The following KCNN3 variants were observed in gnomAD, a reference collection of about 807,000 sequenced individuals.
KCNN3 encodes potassium calcium-activated channel subfamily N member 3.
In KCNN3, 16 loss-of-function variants were observed where a neutral mutation model predicts 62.9. The ratio of observed to expected loss-of-function variants is 0.25; its 90% CI spans 0.17 to 0.39. The LOEUF is 0.39. Ranked by LOEUF, KCNN3 falls within the 10% of genes least tolerant of loss-of-function variation. The pLI is 1.00. For missense variants in KCNN3, 599 were observed against 949.4 expected, an observed-to-expected ratio of 0.63 and a Z score of 4.85; for synonymous variants, 370 against 389.2, an observed-to-expected ratio of 0.95 and a Z score of 0.58.
At chr1:154,824,065 C>G (rs974779596) in intron 1 of KCNN3, among the ~76,000 whole-genome samples, 6 of 152,342 alleles carry the variant, frequency 3.9e-5, no homozygotes, top group South Asian at 2.1e-4. Flanking sequence ...ATTTCAACCA[C>G]TTCTCATTTG....
chr1:154,730,480 G>A (rs1187192142), intron 4 of KCNN3, among the ~76,000 whole-genome samples: 1 of 152,188 alleles, frequency 6.6e-6, no homozygotes, highest in Non-Finnish European at 1.5e-5. Context: ...GCTATACATA[G>A]TGTTGGGAGG....
chr1:154,771,472 C>A (rs78439506), intron 3 of KCNN3, among the ~76,000 whole-genome samples: 3,150 of 152,232 alleles, frequency 0.021, 115 homozygotes, highest in African/African-American at 0.072. Flanking sequence ...AACAAGTTCC[C>A]AGTGATGCCA....
chr1:154,807,057 G>C (rs754662007), intron 2 of KCNN3, among the ~76,000 whole-genome samples: 1 of 152,102 alleles, frequency 6.6e-6, no homozygotes, highest in Non-Finnish European at 1.5e-5. Context: ...GGCAGTATTG[G>C]CTGTAAAACT....
At chr1:154,810,287 A>G (rs571682686) in intron 2 of KCNN3, among the ~76,000 whole-genome samples, 33 of 152,254 alleles carry the variant, frequency 2.2e-4, no homozygotes, top group Non-Finnish European at 4.4e-5. Context: ...CAGGCAGATG[A>G]TGGCTTGGGG....
intron 4 of KCNN3, among the ~76,000 whole-genome samples, chr1:154,731,087 G>A (rs971940869): frequency 3.3e-5 from 5 of 152,160 alleles, no homozygotes; most frequent in African/African-American, 9.7e-5. Flanking sequence ...AGAGGCTCCC[G>A]GCAGGGCCCA....
chr1:154,774,076 A>G (rs1648689980), intron 2 of KCNN3, among the ~76,000 whole-genome samples: 1 of 152,204 alleles, frequency 6.6e-6, no homozygotes, highest in South Asian at 2.1e-4. Flanking sequence ...TGATGATAAT[A>G]ACTGCTGCAT....
At chr1:154,794,093 A>C (rs889104141) in intron 2 of KCNN3, among the ~76,000 whole-genome samples, 3 of 152,198 alleles carry the variant, frequency 2.0e-5, no homozygotes, top group African/African-American at 4.8e-5. Flanking sequence ...CTTGACACAC[A>C]ATCTTTCCGA....
At chr1:154,774,230 A>G (rs2101842165) in intron 2 of KCNN3, among the ~76,000 whole-genome samples, 1 of 152,334 alleles carries the variant, frequency 6.6e-6, no homozygotes, top group South Asian at 2.1e-4. Context: ...GTAAAATGAC[A>G]GTTGGGCTCA....
At chr1:154,800,952 G>A (rs752008500) in intron 2 of KCNN3, among the ~76,000 whole-genome samples, 12 of 152,164 alleles carry the variant, frequency 7.9e-5, no homozygotes, top group Non-Finnish European at 1.5e-4. Flanking sequence ...AGCTGAAGTC[G>A]GAAGATGGCT....
intron 2 of KCNN3, among the ~76,000 whole-genome samples, chr1:154,805,978 T>C (rs183301572): frequency 1.2e-4 from 19 of 152,232 alleles, no homozygotes; most frequent in Admixed American, 7.2e-4. Flanking sequence ...TCCTTAAATA[T>C]GGAAAAGAGA....
chr1:154,737,206 T>TC (rs1700729216), intron 3 of KCNN3: 1 of 176,206 alleles, frequency 5.7e-6, no homozygotes. Context: ...ATAGAAAATT[T>TC]GGGGGGGGGG....
chr1:154,774,018 T>G (rs1463233959), intron 2 of KCNN3, among the ~76,000 whole-genome samples: 2 of 152,214 alleles, frequency 1.3e-5, no homozygotes, highest in African/African-American at 4.8e-5. Context: ...TCCATGATCC[T>G]GGGCAAATTA....
At chr1:154,790,357 T>C (rs1649461567) in intron 2 of KCNN3, among the ~76,000 whole-genome samples, 1 of 152,152 alleles carries the variant, frequency 6.6e-6, no homozygotes, top group African/African-American at 2.4e-5. Flanking sequence ...AAATTGAAAA[T>C]ATTGTAAGTA....
At chr1:154,810,147 C>A (rs74115880) in intron 2 of KCNN3, among the ~76,000 whole-genome samples, 3 of 152,070 alleles carry the variant, frequency 2.0e-5, no homozygotes, top group Admixed American at 6.5e-5. Flanking sequence ...GCTGCTGGCA[C>A]CTTACCATAG....
chr1:154,731,256 T>C lies in KCNN3; in HGVS notation c.1590+1747A>G, dbSNP rs1470774722. Among the ~76,000 whole-genome samples, 4 of 152,216 alleles carry C rather than the reference T, an allele frequency of 2.6e-5. No individual in the cohort carries two copies. The East Asian group carries it at 7.7e-4, about 29-fold the overall frequency. ...TCTTTCCCCGGTTTCCTCGTGACAG[T>C]TGGTGCTATGCCAAGACAGACTCCT... On this transcript the variant is annotated intron_variant, in intron 4 of 7. Transcript: ENST00000271915.
chr1:154,842,630 C>G (rs1199733700), intron 1 of KCNN3, among the ~76,000 whole-genome samples: 1 of 7,164 alleles, frequency 1.4e-4, no homozygotes, highest in Non-Finnish European at 1.3e-3. Flanking sequence ...CATTCAGGGA[C>G]CCCCCCCCCG....
intron 5 of KCNN3, among the ~76,000 whole-genome samples, chr1:154,720,364 G>A (rs1700321033): frequency 1.3e-5 from 2 of 152,214 alleles, no homozygotes; most frequent in South Asian, 4.1e-4. Context: ...CTCTTCTGGG[G>A]AGAATTAGCA....
chr1:154,761,667 G>A (rs1026706479), intron 3 of KCNN3, among the ~76,000 whole-genome samples: 2 of 152,080 alleles, frequency 1.3e-5, no homozygotes, highest in African/African-American at 2.4e-5. Context: ...GGCCGGGCGC[G>A]GTGGCTCACG....
chr1:154,859,576 G>C, intron 1 of KCNN3: 1 of 979,992 alleles, frequency 1.0e-6, no homozygotes, highest in Non-Finnish European at 1.7e-6. Flanking sequence ...CTGCCTCCCT[G>C]CAGGGCCCCC....
Sources: gnomAD v4.1 joint callset for allele counts (sites outside exome capture counted in the v4.1 genomes callset) on GRCh38, gnomAD v4.1.1 for gene constraint, MANE v1.5 for transcripts, NCBI Gene and HGNC (gene_info 2026-07-23, HGNC 2026-07-21) for gene names.